Variants in SLC12A7 observed in about 807,000 individuals in gnomAD.
SLC12A7 encodes the protein solute carrier family 12 member 7, also known as K-Cl cotransporter 4.
Under a neutral mutation model 120.6 loss-of-function variants are expected in SLC12A7, and 100 were observed. The observed-to-expected ratio is 0.83, with a 90% confidence interval of 0.71 to 0.98. The LOEUF is 0.98. SLC12A7 is among the 50% of genes least tolerant of loss of function. SLC12A7 has a pLI of 0.00. For synonymous variants in SLC12A7, 760 were observed against 678.0 expected (o/e 1.12, Z -1.88); for missense variants, 1,373 against 1,548.1 (o/e 0.89, Z 1.90).
chr5:1,111,825 C>T lies in SLC12A7; in HGVS notation c.124+43G>A, dbSNP rs1352799929. 4.2e-6 allele frequency: 5 copies of T among 1,195,866 alleles called. No homozygotes were observed. The African/African-American group carries it at 8.0e-5, about 19-fold the overall frequency. 74.1% of individuals were successfully genotyped at this position (1,195,866 alleles called of 1,614,324 possible). A position where few individuals can be genotyped will look rare whatever the true frequency, so the allele number is the denominator to read the frequency against. ...CGGATGCCGGGCCCAGACCCGCGCT[C>T]GGGGCGCTCGGCCTTTGTCCGGCCA... On this transcript the variant is annotated intron_variant, in intron 1 of 23. Transcript: ENST00000264930.
chr5:1,135,345 C>T, the SLC12A7 span, among the ~76,000 whole-genome samples: 1 of 151,950 alleles, frequency 6.6e-6, no homozygotes, highest in Middle Eastern at 3.4e-3. Flanking sequence ...CCACACACAA[C>T]CACCATGCTC....
At chr5:1,140,545 G>A in the SLC12A7 span, among the ~76,000 whole-genome samples, 17 of 152,222 alleles carry the variant, frequency 1.1e-4, no homozygotes, top group East Asian at 7.7e-4. Context: ...TGTCCCTGGA[G>A]GGAGGCGTCA....
intron 17 of SLC12A7, 145 bp from the exon 18 acceptor site, chr5:1,065,623 G>A (rs1253376709): frequency 4.9e-5 from 31 of 630,094 alleles, no homozygotes; most frequent in Non-Finnish European, 7.1e-5. Context: ...GGTGTGCTGC[G>A]GTGCTCCCGG....
chr5:1,111,752 G>T, intron 1 of SLC12A7, 116 bp downstream of exon 1: 1 of 1,037,308 alleles, frequency 9.6e-7, no homozygotes, highest in Non-Finnish European at 1.2e-6. Flanking sequence ...TGGGGGCGCG[G>T]GAAGGGGCGC....
chr5:1,053,325 C>T (rs79151625), intron 23 of SLC12A7, 24 bp downstream of exon 23: 63,807 of 1,610,546 alleles, frequency 0.04, 1,348 homozygotes, highest in African/African-American at 0.047. Flanking sequence ...GCACGCTCAG[C>T]AGGCACACTG....
the SLC12A7 span, among the ~76,000 whole-genome samples, chr5:1,152,436 GC>G: frequency 6.6e-6 from 1 of 152,236 alleles, no homozygotes; most frequent in Non-Finnish European, 1.5e-5. Flanking sequence ...ACCTGCCTGT[GC>G]CCGTGGGCTC....
rs1579364795 is a variant in SLC12A7, at chr5:1,076,751, A to G, written c.1691T>C (p.Ile564Thr). The change falls in exon 13 of 24, where the codon ATC (isoleucine) becomes ACC (threonine). Residue 564 changes from isoleucine to threonine, a missense_variant. Coordinates refer to ENST00000264930, the MANE Select transcript of SLC12A7 (RefSeq NM_006598.3). ...GGCGATGAGGATGCCAGTCTCGCAG[A>G]TGAGGACTGTCAGCAGCAGCGCCCA... The part of the protein sequence containing the change: ...PTWALLLTVL[I>T]CETGILIASL... 1 of 1,611,636 alleles carries G rather than the reference A, an allele frequency of 6.2e-7. No homozygotes were observed. The highest frequency in any genetic ancestry group is 2.2e-5 in the East Asian group (1 of 44,848).
intron 5 of SLC12A7, 94 bp from the exon 6 acceptor site, chr5:1,087,127 C>T (rs1358836145): frequency 6.9e-7 from 1 of 1,451,154 alleles, no homozygotes; most frequent in African/African-American, 1.4e-5. Context: ...CAAAGGAGGG[C>T]CTGTCTCTGC....
intron 8 of SLC12A7, among the ~76,000 whole-genome samples, chr5:1,083,281 G>C (rs543377035): frequency 4.6e-5 from 7 of 151,314 alleles, no homozygotes; most frequent in Non-Finnish European, 7.4e-5. Context: ...TTCCCGTCTC[G>C]GGTTCTGGAA....
At chr5:1,057,858 A>AC (rs1455549933) in intron 21 of SLC12A7, among the ~76,000 whole-genome samples, 1 of 150,990 alleles carries the variant, frequency 6.6e-6, no homozygotes, top group Non-Finnish European at 1.5e-5. Flanking sequence ...CCAAACGCTC[A>AC]CCCCCTCACC....
chr5:1,151,053 C>T, the SLC12A7 span, among the ~76,000 whole-genome samples: 52 of 152,242 alleles, frequency 3.4e-4, no homozygotes, highest in Non-Finnish European at 5.6e-4. The surrounding 1 kb of genome is among the most constrained non-coding windows in gnomAD (Gnocchi z 6.2). Flanking sequence ...GGGAGCTGGA[C>T]GGAGATGGCG....
At chr5:1,120,759 C>T in the SLC12A7 span, among the ~76,000 whole-genome samples, 5 of 152,288 alleles carry the variant, frequency 3.3e-5, no homozygotes, top group East Asian at 1.9e-4. Context: ...TGATCTCGCA[C>T]GTGGGCTGCA....
chr5:1,108,415 C>T (rs141343538), intron 1 of SLC12A7, among the ~76,000 whole-genome samples: 1,644 of 152,356 alleles, frequency 0.011, 12 homozygotes, highest in Non-Finnish European at 0.017. Context: ...CCTGCCTGCT[C>T]ACCACATACC....
chr5:1,094,535 C>G (rs1033779771), intron 1 of SLC12A7, among the ~76,000 whole-genome samples: 1 of 152,224 alleles, frequency 6.6e-6, no homozygotes, highest in Admixed American at 6.5e-5. Context: ...ATCCCCAGAA[C>G]ACACGCTAGC....
At chr5:1,138,258 G>C in the SLC12A7 span, among the ~76,000 whole-genome samples, 2 of 151,990 alleles carry the variant, frequency 1.3e-5, no homozygotes, top group Non-Finnish European at 2.9e-5. Flanking sequence ...CACTGCCGGC[G>C]GGGTGGGGCA....
chr5:1,067,607 G>A (rs373983007), intron 17 of SLC12A7, among the ~76,000 whole-genome samples: 2 of 152,258 alleles, frequency 1.3e-5, no homozygotes, highest in South Asian at 2.1e-4. Context: ...TCCAAGTGCT[G>A]GAGCCACGTC....
the SLC12A7 span, among the ~76,000 whole-genome samples, chr5:1,142,488 T>C: frequency 4.7e-5 from 1 of 21,254 alleles, no homozygotes; most frequent in Non-Finnish European, 8.0e-5. Context: ...CCCTCCCCTT[T>C]CCCCTCCCCA....
chr5:1,053,658 G>T (rs1426081926), intron 22 of SLC12A7, among the ~76,000 whole-genome samples, 176 bp from the exon 23 acceptor site: 1 of 152,338 alleles, frequency 6.6e-6, no homozygotes, highest in South Asian at 2.1e-4. Flanking sequence ...CGAGCGAAAG[G>T]CGCTGACTGC....
chr5:1,085,423 G>A lies in SLC12A7; in HGVS notation c.726C>T (p.Gly242=), dbSNP rs369689359. 4.7e-5 allele frequency: 75 copies of A among 1,609,296 alleles called. No individual in the cohort carries two copies. Among genetic ancestry groups the A allele is most frequent in the South Asian group, 3.8e-4 (34 of 90,478 alleles). ...TGTTGTGCAGCATGGCGGCCGCCTC[G>A]CCACCTGCAGCCTCCGCCTGGAAGA... ...AAIFQAEAAG[G]EAAAMLHNMR... Residue 242 remains glycine, a synonymous_variant, in exon 7 of 24, where the codon GGC becomes GGT. Coordinates refer to ENST00000264930, the MANE Select transcript of SLC12A7 (RefSeq NM_006598.3).
Sources: gnomAD v4.1 joint callset for allele counts (sites outside exome capture counted in the v4.1 genomes callset) on GRCh38, gnomAD v4.1.1 for gene constraint, Gnocchi (gnomAD v3.1) non-coding constraint, MANE v1.5 for transcripts, NCBI Gene and HGNC (gene_info 2026-07-23, HGNC 2026-07-21) for gene names.